The following TFDP2 variants were observed in gnomAD, a reference collection of about 807,000 sequenced individuals.
TFDP2 encodes the protein transcription factor Dp-2 (E2F dimerization partner 2).
Under a neutral mutation model 59.3 loss-of-function variants are expected in TFDP2, and 17 were observed. The ratio of observed to expected loss-of-function variants is 0.29; its 90% CI spans 0.20 to 0.43. The LOEUF (loss-of-function observed/expected upper bound fraction) is 0.43. TFDP2 is among the 20% of genes least tolerant of loss of function. The pLI is 1.00. For missense variants in TFDP2, 391 were observed against 528.8 expected, an observed-to-expected ratio of 0.74 and a Z score of 2.56; for synonymous variants, 180 against 194.7, an observed-to-expected ratio of 0.92 and a Z score of 0.63.
intron 1 of TFDP2, among the ~76,000 whole-genome samples, chr3:142,124,159 C>T (rs1032079498): frequency 6.6e-6 from 1 of 152,072 alleles, no homozygotes; most frequent in African/African-American, 2.4e-5. Flanking sequence ...CATAACAATA[C>T]TAACTGCCCC....
At chr3:142,110,835 C>T (rs146607935) in intron 1 of TFDP2, among the ~76,000 whole-genome samples, 1 of 151,946 alleles carries the variant, frequency 6.6e-6, no homozygotes, top group Non-Finnish European at 1.5e-5. Flanking sequence ...CACCTGTGGT[C>T]CCAGCTAATC....
At chr3:142,084,840 C>A (rs1454367828) in intron 3 of TFDP2, among the ~76,000 whole-genome samples, 20 of 151,568 alleles carry the variant, frequency 1.3e-4, no homozygotes. Context: ...AGTGGCGTGG[C>A]AGGGATGGCA....
At chr3:141,954,091 C>T (rs1234525481) in intron 11 of TFDP2, among the ~76,000 whole-genome samples, 5 of 151,934 alleles carry the variant, frequency 3.3e-5, no homozygotes, top group African/African-American at 7.2e-5. Context: ...ACCCGGGAGG[C>T]GGAGGTTGCA....
chr3:142,083,860 G>A (rs2060720621), intron 3 of TFDP2, among the ~76,000 whole-genome samples: 1 of 152,096 alleles, frequency 6.6e-6, no homozygotes, highest in Non-Finnish European at 1.5e-5. Flanking sequence ...AAATCAAAGT[G>A]GACTAAAGAT....
intron 2 of TFDP2, among the ~76,000 whole-genome samples, chr3:142,098,057 C>T (rs1022311466): frequency 6.6e-6 from 1 of 152,130 alleles, no homozygotes; most frequent in African/African-American, 2.4e-5. Flanking sequence ...TCCCAAAGTG[C>T]TCGGATTACA....
At chr3:142,114,399 T>G (rs1399673470) in intron 1 of TFDP2, among the ~76,000 whole-genome samples, 1 of 152,158 alleles carries the variant, frequency 6.6e-6, no homozygotes, top group East Asian at 1.9e-4. Flanking sequence ...TATAAATGTT[T>G]AAGAATATAA....
At chr3:142,086,780 A>G (rs1481742939) in intron 3 of TFDP2, among the ~76,000 whole-genome samples, 1 of 152,162 alleles carries the variant, frequency 6.6e-6, no homozygotes, top group Non-Finnish European at 1.5e-5. Context: ...CCCATCTCCA[A>G]TGGATAGAGG....
chr3:142,141,165 C>T (rs1411364125), intron 1 of TFDP2, among the ~76,000 whole-genome samples: 1 of 152,240 alleles, frequency 6.6e-6, no homozygotes, highest in Non-Finnish European at 1.5e-5. Flanking sequence ...GGATGTGGGG[C>T]CCGCCAAGCC....
chr3:141,998,093 T>C (rs1576635820), intron 4 of TFDP2, among the ~76,000 whole-genome samples: 1 of 152,076 alleles, frequency 6.6e-6, no homozygotes, highest in Admixed American at 6.6e-5. Context: ...TTAATAAACA[T>C]TTCCTACATG....
intron 3 of TFDP2, chr3:142,044,238 T>G (rs888167632): frequency 7.8e-5 from 19 of 242,884 alleles, no homozygotes; most frequent in South Asian, 3.1e-4. Flanking sequence ...TTTTTTTTTT[T>G]TTTTTTTTTT....
chr3:142,040,111 T>C (rs1946886824), intron 3 of TFDP2, among the ~76,000 whole-genome samples: 2 of 60,364 alleles, frequency 3.3e-5, no homozygotes, highest in African/African-American at 6.8e-5. Flanking sequence ...ATACACAAAA[T>C]AAAACACACA....
chr3:141,978,592 T>A lies in TFDP2; in HGVS notation c.447A>T (p.Thr149=). ...GCTCATCAGCGACTTCATTGTACGA[T>A]GTTGTACCTTTTCGTTGAACTTTCT... ...VCEKVQRKGT[T]SYNEVADELV... The change falls in exon 7 of 13, where the codon ACA becomes ACT. Residue 149 remains threonine, a synonymous_variant. Coordinates refer to ENST00000489671, the MANE Select transcript of TFDP2 (RefSeq NM_001178139.2). 1 of 1,613,958 alleles carries A rather than the reference T, an allele frequency of 6.2e-7. No individual in the cohort carries two copies.
chr3:142,070,207 C>T (rs2060201173), intron 3 of TFDP2, among the ~76,000 whole-genome samples: 1 of 152,054 alleles, frequency 6.6e-6, no homozygotes. Flanking sequence ...GCACCTGGCC[C>T]AAACTTCTTT....
chr3:141,952,414 A>G lies in TFDP2; in HGVS notation c.*99T>C. On this transcript the variant is annotated 3_prime_UTR_variant, in exon 13 of 13. Transcript: ENST00000489671. ...CTAGTTTTCACTGAACACACAGTGC[A>G]AACAAAGGCAAAGACTGAAGCAATC... 1.6e-6 allele frequency: 2 copies of G among 1,228,256 alleles called. No homozygotes were observed. Among genetic ancestry groups the G allele is most frequent in the Non-Finnish European group, 2.2e-6 (2 of 906,798 alleles). 76.1% of individuals were successfully genotyped at this position (1,228,256 alleles called of 1,614,324 possible). A position where few individuals can be genotyped will look rare whatever the true frequency, so the allele number is the denominator to read the frequency against.
chr3:141,976,689 G>A (rs962969111), intron 7 of TFDP2, among the ~76,000 whole-genome samples: 2 of 152,072 alleles, frequency 1.3e-5, no homozygotes, highest in South Asian at 4.1e-4. Context: ...AGCAGAAGAC[G>A]AGATTAGTGA....
At chr3:142,094,199 T>A (rs1433055099) in intron 2 of TFDP2, among the ~76,000 whole-genome samples, 1 of 152,150 alleles carries the variant, frequency 6.6e-6, no homozygotes, top group East Asian at 1.9e-4. Flanking sequence ...TACTATCAAA[T>A]ACTTTTTGTA....
At chr3:142,027,281 C>T (rs964630922) in intron 3 of TFDP2, among the ~76,000 whole-genome samples, 5 of 67,352 alleles carry the variant, frequency 7.4e-5, no homozygotes, top group Non-Finnish European at 1.2e-4. Flanking sequence ...CTTTCAATTC[C>T]TGAATATAAA....
intron 8 of TFDP2, among the ~76,000 whole-genome samples, chr3:141,970,971 T>C (rs949877553): frequency 6.6e-6 from 1 of 151,882 alleles, no homozygotes; most frequent in East Asian, 1.9e-4. Flanking sequence ...GACACGAGAA[T>C]TGCTTGAACT....
chr3:142,084,512 C>T (rs1213282171), intron 3 of TFDP2, among the ~76,000 whole-genome samples: 1 of 152,182 alleles, frequency 6.6e-6, no homozygotes, highest in African/African-American at 2.4e-5. Context: ...ATTGAAGAGA[C>T]ATCTGTATTT....
Sources: gnomAD v4.1 joint callset for allele counts (sites outside exome capture counted in the v4.1 genomes callset) on GRCh38, gnomAD v4.1.1 for gene constraint, MANE v1.5 for transcripts, NCBI Gene and HGNC (gene_info 2026-07-23, HGNC 2026-07-21) for gene names.